The following ZIC5 variants were observed in gnomAD, a reference collection of about 807,000 sequenced individuals.
The protein encoded by ZIC5 is zinc finger protein ZIC 5.
Under a neutral mutation model 28.5 loss-of-function variants are expected in ZIC5, and 20 were observed. The observed-to-expected ratio is 0.70, with a 90% CI of 0.49 to 1.02. The LOEUF is 1.02. Among genes scored for constraint, ZIC5 ranks in the 50% least tolerant of loss-of-function variants. ZIC5 has a pLI of 0.00. For missense variants in ZIC5, 951 were observed against 899.7 expected (o/e 1.06, Z -0.73); for synonymous variants, 488 against 410.4 (o/e 1.19, Z -2.29).
At position 99,970,958 on chromosome 13, in the gene ZIC5, T is replaced by G; in HGVS notation, c.646A>C (p.Met216Leu). ...HPAPPPHSAGMFISASGTYAG... is the reference protein window; with the variant it reads ...HPAPPPHSAGLFISASGTYAG... ...TAGGTGCCGCTGGCGGAGATGAACA[T>G]GCCGGCCGAGTGGGGAGGCGGGGCC... Residue 216 changes from methionine (M) to leucine (L), a missense_variant, in exon 1 of 2, where the codon ATG becomes CTG. Physicochemically the swap from Met to Leu is conservative, Grantham distance 15. This residue lies in a region of ZIC5 where 784 missense variants were observed against 660.1 expected (regional missense o/e 1.19). Coordinates refer to ENST00000267294, the MANE Select transcript of ZIC5 (RefSeq NM_033132.5). The G allele has an allele frequency of 1.4e-6, 2 of 1,398,672 alleles. No individual in the cohort carries two copies. Among genetic ancestry groups the G allele is most frequent in the South Asian group, 1.6e-5 (1 of 61,650 alleles). The allele number at this position is 1,398,672 out of a possible 1,614,324, so 86.6% of individuals were successfully genotyped here. A position where few individuals can be genotyped will look rare whatever the true frequency, so the allele number is the denominator to read the frequency against.
At chr13:99,966,266 G>A (rs1002024603) in intron 1 of ZIC5, among the ~76,000 whole-genome samples, 3 of 152,126 alleles carry the variant, frequency 2.0e-5, no homozygotes, top group African/African-American at 7.2e-5. Context: ...ATAAGAAAAA[G>A]AGAAAAAAGC....
rs1566399334 is a variant in ZIC5 at position 99,971,156 on chromosome 13, CAGGAGGAGGAGGAGGCGG to C, written c.430_447del (p.Pro144_Pro149del). 3.3e-6 allele frequency: 4 copies of C among 1,208,534 alleles called. No individual in the cohort carries two copies. The highest frequency in any genetic ancestry group is 4.1e-6 in the Non-Finnish European group (4 of 970,932). The allele number at this position is 1,208,534 out of a possible 1,614,324, so 74.9% of individuals were successfully genotyped here. A position where few individuals can be genotyped will look rare whatever the true frequency, so the allele number is the denominator to read the frequency against. On this transcript the variant is annotated inframe_deletion, in exon 1 of 2. Coordinates refer to ENST00000267294, the MANE Select transcript of ZIC5 (RefSeq NM_033132.5). The stretch of plus-strand genomic sequence containing the variant: ...TTGGTGGTGGTGTAGCCCGAGAGGG[CAGGAGGAGGAGGAGGCGG>C]GGGAGGGGGAGGGGGTGAAGGGGTG...
chr13:99,965,333 G>C lies in ZIC5; in HGVS notation c.*44C>G, dbSNP rs537594541. ...TGTCTCAGGTTAGGATGTGGTCCAA[G>C]GACTCCCACTTATTATTTCACTTAT... On this transcript the variant is annotated 3_prime_UTR_variant, in exon 2 of 2. Coordinates refer to ENST00000267294, the MANE Select transcript of ZIC5 (RefSeq NM_033132.5). 1 of 1,556,210 alleles carries C rather than the reference G, an allele frequency of 6.4e-7. No individual in the cohort carries two copies. The highest frequency in any genetic ancestry group is 1.4e-5 in the African/African-American group (1 of 72,124).
chr13:99,971,743 T>C lies in ZIC5; in HGVS notation c.-140A>G. The stretch of plus-strand genomic sequence containing the variant: ...TAACTCTGCTTATTCCTGTTCCCAC[T>C]CTATCCTCCAGCGATTGGCAGAGTG... On this transcript the variant is annotated 5_prime_UTR_variant, in exon 1 of 2. Coordinates refer to ENST00000267294, the MANE Select transcript of ZIC5 (RefSeq NM_033132.5). 6.5e-7 allele frequency: 1 copy of C among 1,538,668 alleles called. No individual in the cohort carries two copies. Among genetic ancestry groups the C allele is most frequent in the East Asian group, 2.4e-5 (1 of 40,864 alleles).
At chr13:99,971,798 C>A (rs2053163574), upstream of ZIC5, 2 of 1,323,844 alleles carry the variant, frequency 1.5e-6, no homozygotes, top group Non-Finnish European at 1.0e-6. Flanking sequence ...ACAGTGGGAC[C>A]GAGATTTTGG....
In ZIC5 at chr13:99,965,757, G is replaced by C; in HGVS notation, c.1540C>G (p.Arg514Gly). Residue 514 changes from arginine (R) to glycine (G), a missense_variant, in exon 2 of 2, where the codon CGG becomes GGG. By Grantham distance (125) the Arg-to-Gly change is moderately radical. Transcript: ENST00000267294. ...CDRKFANSSD[R>G]KKHSHVHTSD... The stretch of plus-strand genomic sequence containing the variant: ...GTGTGGACATGGGAATGTTTCTTCC[G>C]ATCACTGCTATTGGCAAACTTCCTG... The C allele has an allele frequency of 2.5e-6, 4 of 1,614,120 alleles. No individual in the cohort carries two copies. The highest frequency in any genetic ancestry group is 3.4e-6 in the Non-Finnish European group (4 of 1,180,008).
rs1483656288 is a variant in ZIC5, at chr13:99,965,158, TTTG to T, written c.*216_*218del. 3 of 290,764 alleles carry T rather than the reference TTTG, an allele frequency of 1.0e-5. No individual in the cohort carries two copies. The highest frequency in any genetic ancestry group is 8.0e-5 in the African/African-American group (3 of 37,686). The allele number at this position is 290,764 out of a possible 1,614,324, so 18.0% of individuals were successfully genotyped here. A position where few individuals can be genotyped will look rare whatever the true frequency, so the allele number is the denominator to read the frequency against. On this transcript the variant is annotated 3_prime_UTR_variant, in exon 2 of 2. Coordinates refer to ENST00000267294, the MANE Select transcript of ZIC5 (RefSeq NM_033132.5). ...ACAAGTCCAGCTTGGTTGTTTTTTG[TTTG>T]TTTTTTAAGAAAAAAAAAAAAAAAA...
At position 99,968,668 on chromosome 13, in the gene ZIC5, C is replaced by T. The variant is rs558835846; in HGVS notation, c.1477+1459G>A. ...GGGGCCGGGCTGGGGAGCGGCTTCA[C>T]GGTCCCTGGATCCTGCCCTGCCGAG... On this transcript the variant is annotated intron_variant, in intron 1 of 1. Coordinates refer to ENST00000267294, the MANE Select transcript of ZIC5 (RefSeq NM_033132.5). Among the ~76,000 whole-genome samples, 5 of 152,294 alleles carry T rather than the reference C, an allele frequency of 3.3e-5. No homozygotes were observed. The East Asian group carries it at 7.7e-4, about 24-fold the overall frequency.
At chr13:99,966,763 C>A (rs548874153) in intron 1 of ZIC5, among the ~76,000 whole-genome samples, 1 of 150,490 alleles carries the variant, frequency 6.6e-6, no homozygotes, top group East Asian at 2.0e-4. Context: ...CCCACAAACA[C>A]GCCTTTAAAC....
Position 99,971,748 on chromosome 13 carries a change from C to G in ZIC5, c.-145G>C. The G allele has an allele frequency of 1.3e-6, 2 of 1,534,340 alleles. No homozygotes were observed. Among genetic ancestry groups the G allele is most frequent in the Non-Finnish European group, 1.8e-6 (2 of 1,134,006 alleles). ...CTGCTTATTCCTGTTCCCACTCTAT[C>G]CTCCAGCGATTGGCAGAGTGAACAC... On this transcript the variant is annotated 5_prime_UTR_variant, in exon 1 of 2. Coordinates refer to ENST00000267294, the MANE Select transcript of ZIC5 (RefSeq NM_033132.5).
Position 99,971,118 on chromosome 13 carries a change from G to A in ZIC5, c.486C>T (p.Gly162=). The A allele has an allele frequency of 7.0e-7, 1 of 1,428,980 alleles. No individual in the cohort carries two copies. Among genetic ancestry groups the A allele is most frequent in the East Asian group, 3.0e-5 (1 of 32,856 alleles). 88.5% of individuals were successfully genotyped at this position (1,428,980 alleles called of 1,614,324 possible). The change falls in exon 1 of 2, where the codon GGC becomes GGT. Residue 162 remains glycine (G), a synonymous_variant. Coordinates refer to ENST00000267294, the MANE Select transcript of ZIC5 (RefSeq NM_033132.5). ...TGCTGTGGCCTTTGCCGCTGCTGCCGCCGCCGCCACTGTTGGTGGTGGTGT... is the reference window on the plus strand; with the variant it reads ...TGCTGTGGCCTTTGCCGCTGCTGCCACCGCCGCCACTGTTGGTGGTGGTGT... ...SGYTTTNSGG[G]GSSGKGHSRD...
chr13:99,970,661 C>T lies in ZIC5; in HGVS notation c.943G>A (p.Ala315Thr), dbSNP rs1194718100. Residue 315 changes from alanine to threonine, a missense_variant, in exon 1 of 2, where the codon GCG (alanine) becomes ACG (threonine). Coordinates refer to ENST00000267294, the MANE Select transcript of ZIC5 (RefSeq NM_033132.5). ...GGCCCGGCCGCTGCTGCGGCCGCCG[C>T]AGCCGCCAGGTTCAGGTTTAAGTTC... is the stretch of plus-strand genomic sequence containing the variant. ...AVNLNLNLAA[A>T]AAAAAAGPGP... is the part of the protein sequence containing the mutation. 5 of 1,167,544 alleles carry T rather than the reference C, an allele frequency of 4.3e-6. No homozygotes were observed. Among genetic ancestry groups the T allele is most frequent in the Non-Finnish European group, 5.3e-6 (5 of 938,980 alleles). 72.3% of individuals were successfully genotyped at this position (1,167,544 alleles called of 1,614,324 possible).
chr13:99,971,729 A>G lies in ZIC5; in HGVS notation c.-126T>C. ...TTGTCCTGGCCTCTTAACTCTGCTT[A>G]TTCCTGTTCCCACTCTATCCTCCAG... On this transcript the variant is annotated 5_prime_UTR_variant, in exon 1 of 2. Transcript: ENST00000267294. 6.5e-7 allele frequency: 1 copy of G among 1,546,224 alleles called. No individual in the cohort carries two copies. Among genetic ancestry groups the G allele is most frequent in the South Asian group, 1.2e-5 (1 of 83,952 alleles).
rs11619501 is a variant in ZIC5 at position 99,971,628 on chromosome 13, G to T, written c.-25C>A. On this transcript the variant is annotated 5_prime_UTR_variant, in exon 1 of 2. Transcript: ENST00000267294. ...TCAGAACTACACAATCAGGCCCATA[G>T]ACCCTCACTGGGGGGACTTTATTCC... 2.6e-6 allele frequency: 4 copies of T among 1,560,698 alleles called. No individual in the cohort carries two copies. The highest frequency in any genetic ancestry group is 3.5e-6 in the Non-Finnish European group (4 of 1,151,026).
chr13:99,971,488 G>A lies in ZIC5; in HGVS notation c.116C>T (p.Pro39Leu). 6.4e-7 allele frequency: 1 copy of A among 1,550,554 alleles called. No individual in the cohort carries two copies. The highest frequency in any genetic ancestry group is 8.7e-7 in the Non-Finnish European group (1 of 1,146,906). Residue 39 changes from proline to leucine, a missense_variant, in exon 1 of 2, where the codon CCC (proline) becomes CTC (leucine). Pro to Leu is a moderately conservative substitution (Grantham distance 98). Coordinates refer to ENST00000267294, the MANE Select transcript of ZIC5 (RefSeq NM_033132.5). ...GGCGGCCCGGAGTTGGGAGTGGGCGGGCGGGCCGGCCAGCGCCGGGAAGCC... is the reference window on the plus strand; with the variant it reads ...GGCGGCCCGGAGTTGGGAGTGGGCGAGCGGGCCGGCCAGCGCCGGGAAGCC... ...MTGFPALAGP[P>L]AHSQLRAAVA...
At position 99,971,751 on chromosome 13, in the gene ZIC5, C is replaced by G. The variant is rs1310099757; in HGVS notation, c.-148G>C. On this transcript the variant is annotated 5_prime_UTR_variant, in exon 1 of 2. Transcript: ENST00000267294. ...CTTATTCCTGTTCCCACTCTATCCT[C>G]CAGCGATTGGCAGAGTGAACACCAC... 2.0e-6 allele frequency: 3 copies of G among 1,529,268 alleles called. 1 individual carries two copies. The highest frequency in any genetic ancestry group is 4.0e-5 in the Admixed American group (2 of 49,900). 94.7% of individuals were successfully genotyped at this position (1,529,268 alleles called of 1,614,324 possible).
chr13:99,971,558 C>T lies in ZIC5; in HGVS notation c.46G>A (p.Ala16Thr). The T allele has an allele frequency of 6.4e-7, 1 of 1,552,942 alleles. No homozygotes were observed. Residue 16 changes from alanine to threonine, a missense_variant, in exon 1 of 2, where the codon GCG becomes ACG. Ala to Thr is a moderately conservative substitution (Grantham distance 58, BLOSUM62 0). Around this residue, in one of 3 missense-constraint regions of ZIC5, gnomAD observed 784 missense variants for 660.1 expected, o/e 1.19. Coordinates refer to ENST00000267294, the MANE Select transcript of ZIC5 (RefSeq NM_033132.5). Reference sequence around the variant, plus strand: ...TGGACCTGAGCCGTTGCCAAATCCGCTAATCTCAGCGCTGGCGGGTTCCTC... The same window carrying T: ...TGGACCTGAGCCGTTGCCAAATCCGTTAATCTCAGCGCTGGCGGGTTCCTC... The part of the protein sequence containing the change: ...SKRNPPALRL[A>T]DLATAQVQPL...
rs1179480961 is a variant in ZIC5 at position 99,971,690 on chromosome 13, C to T, written c.-87G>A. On this transcript the variant is annotated 5_prime_UTR_variant, in exon 1 of 2. Coordinates refer to ENST00000267294, the MANE Select transcript of ZIC5 (RefSeq NM_033132.5). ...TTCAAAAACATGTATGTATTGGGCG[C>T]TCTTTAACTTCTTTTGTCCTGGCCT... 3 of 1,552,126 alleles carry T rather than the reference C, an allele frequency of 1.9e-6. No homozygotes were observed. The highest frequency in any genetic ancestry group is 2.6e-6 in the Non-Finnish European group (3 of 1,147,384).
chr13:99,964,932 G>A lies in ZIC5; in HGVS notation c.*445C>T, dbSNP rs2053085321. The A allele has an allele frequency of 6.6e-6, 1 of 151,172 alleles. No individual in the cohort carries two copies. Among genetic ancestry groups the A allele is most frequent in the African/African-American group, 2.4e-5 (1 of 41,012 alleles). The allele number at this position is 151,172 out of a possible 1,614,324, so 9.4% of individuals were successfully genotyped here. ...GTCAAAGGCATTTGAGAGGCACTCT[G>A]GGAAATGCAGAGGGCCTTGGTGCTG... On this transcript the variant is annotated 3_prime_UTR_variant, in exon 2 of 2. Coordinates refer to ENST00000267294, the MANE Select transcript of ZIC5 (RefSeq NM_033132.5).
Sources: allele counts gnomAD v4.1 joint callset (sites outside exome capture counted in the v4.1 genomes callset), GRCh38; gene constraint gnomAD v4.1.1; regional missense constraint gnomAD v4.1.1; transcripts MANE v1.5; gene names NCBI Gene and HGNC (gene_info 2026-07-23, HGNC 2026-07-21).